The following RBMS3 variants were observed in gnomAD, a reference collection of about 807,000 sequenced individuals.
RBMS3 encodes RNA-binding motif, single-stranded-interacting protein 3.
A neutral mutation model predicts 66.8 loss-of-function variants in RBMS3; 27 were observed. That is an observed-to-expected ratio of 0.40 (90% CI 0.30 to 0.56). The LOEUF is 0.56. Ranked by LOEUF, RBMS3 falls within the 20% of genes least tolerant of loss-of-function variation. The pLI is 0.40. For synonymous variants in RBMS3, 188 were observed against 183.0 expected, an observed-to-expected ratio of 1.03 and a Z score of -0.22; for missense variants, 513 against 549.5, an observed-to-expected ratio of 0.93 and a Z score of 0.66.
chr3:29,443,704 A>G (rs962512337), intron 2 of RBMS3, among the ~76,000 whole-genome samples: 2 of 152,142 alleles, frequency 1.3e-5, no homozygotes, highest in Non-Finnish European at 2.9e-5. Flanking sequence ...CAAGAAGACG[A>G]GCAAGGAGGC....
At chr3:29,526,794 C>T (rs1430920797) in intron 3 of RBMS3, among the ~76,000 whole-genome samples, 3 of 151,920 alleles carry the variant, frequency 2.0e-5, no homozygotes, top group South Asian at 2.1e-4. Context: ...AGATAGATAA[C>T]GTTTCCCAAC....
Position 29,665,535 on chromosome 3 carries a change from C to T in RBMS3, c.400-74185C>T, listed in dbSNP as rs144321329. On this transcript the variant is annotated intron_variant, in intron 4 of 14. Coordinates refer to ENST00000383767, the MANE Select transcript of RBMS3 (RefSeq NM_001003793.3). ...TCAAACTAGTTAATTTGTCAGGAAT[C>T]GTGTCACGAACATAAACATTCTGAT... is the stretch of plus-strand genomic sequence containing the variant. 7.5e-3 allele frequency among the ~76,000 whole-genome samples: 1,144 copies of T among 152,196 alleles called. 35 individuals carry two copies. The highest frequency in any genetic ancestry group is 0.061 in the Admixed American group (925 of 15,288).
chr3:29,858,164 T>C (rs192038281), intron 6 of RBMS3, among the ~76,000 whole-genome samples: 44 of 152,306 alleles, frequency 2.9e-4, no homozygotes, highest in African/African-American at 1.0e-3. Flanking sequence ...AACCTTTCTA[T>C]AGTTTGAATT....
intron 3 of RBMS3, among the ~76,000 whole-genome samples, chr3:29,573,954 T>C (rs2047024500): frequency 6.6e-6 from 1 of 152,190 alleles, no homozygotes; most frequent in Non-Finnish European, 1.5e-5. Flanking sequence ...TTTTAAATGT[T>C]TTAAGGTTTG....
intron 11 of RBMS3, 23 bp downstream of exon 11, chr3:29,936,219 T>C (rs1289039808): frequency 1.9e-6 from 3 of 1,600,580 alleles, no homozygotes; most frequent in African/African-American, 1.3e-5. Flanking sequence ...GATTGTTTTG[T>C]TTCCTTGAAC....
chr3:29,485,514 T>C (rs960089471), intron 2 of RBMS3, among the ~76,000 whole-genome samples: 1 of 152,190 alleles, frequency 6.6e-6, no homozygotes, highest in African/African-American at 2.4e-5. Flanking sequence ...TTGGTGAATA[T>C]GTAGGTATGG....
At chr3:29,557,270 C>T (rs914569700) in intron 3 of RBMS3, among the ~76,000 whole-genome samples, 3 of 152,100 alleles carry the variant, frequency 2.0e-5, no homozygotes, top group Admixed American at 2.0e-4. Context: ...AGAACATTCC[C>T]AACAAACTAA....
At chr3:29,486,586 A>G (rs927170257) in intron 2 of RBMS3, among the ~76,000 whole-genome samples, 2 of 152,192 alleles carry the variant, frequency 1.3e-5, no homozygotes, top group Admixed American at 1.3e-4. Flanking sequence ...TTACTTGTCA[A>G]AATACTCACA....
At chr3:29,742,249 G>A (rs776102443) in intron 5 of RBMS3, among the ~76,000 whole-genome samples, 9 of 152,114 alleles carry the variant, frequency 5.9e-5, no homozygotes, top group Non-Finnish European at 1.0e-4. Flanking sequence ...GGGAGGGTGG[G>A]AATTTTACAT....
intron 7 of RBMS3, among the ~76,000 whole-genome samples, chr3:29,873,204 G>T (rs964907624): frequency 1.3e-5 from 2 of 152,110 alleles, no homozygotes; most frequent in Non-Finnish European, 2.9e-5. Flanking sequence ...ATGATATTGA[G>T]TCTTCCTATC....
At chr3:29,487,715 T>G (rs1455968580) in intron 2 of RBMS3, among the ~76,000 whole-genome samples, 6 of 152,164 alleles carry the variant, frequency 3.9e-5, no homozygotes, top group African/African-American at 4.8e-5. Flanking sequence ...AAGAAGACAA[T>G]ATTATCCTCA....
Position 29,420,624 on chromosome 3 carries a change from GT to G in RBMS3, c.76-14109del, listed in dbSNP as rs34773958. Among the ~76,000 whole-genome samples, 9 of 148,220 alleles carry G rather than the reference GT, an allele frequency of 6.1e-5. No individual in the cohort carries two copies. The South Asian group carries it at 6.4e-4, about 11-fold the overall frequency. ...AGCTATAAATCAGGGCTTTTCCCTT[GT>G]TTTTTTTTTCTCGCAGAGTTTCAGA... is the stretch of plus-strand genomic sequence containing the variant. On this transcript the variant is annotated intron_variant, in intron 1 of 14. Coordinates refer to ENST00000383767, the MANE Select transcript of RBMS3 (RefSeq NM_001003793.3).
At chr3:29,743,976 A>G (rs548550571) in intron 5 of RBMS3, among the ~76,000 whole-genome samples, 2 of 139,834 alleles carry the variant, frequency 1.4e-5, no homozygotes, top group South Asian at 4.7e-4. Context: ...ATTCCCACCA[A>G]TGAGTGAGAA....
intron 1 of RBMS3, among the ~76,000 whole-genome samples, chr3:29,341,002 T>C (rs1448605919): frequency 3.3e-5 from 5 of 152,082 alleles, no homozygotes; most frequent in Non-Finnish European, 7.4e-5. Context: ...ACATGTGAAA[T>C]ATCATTATCA....
chr3:29,787,782 T>C (rs1336914567), intron 6 of RBMS3, among the ~76,000 whole-genome samples: 5 of 152,008 alleles, frequency 3.3e-5, no homozygotes, highest in Non-Finnish European at 7.4e-5. Context: ...GAAATCATCA[T>C]TAAAGAACTT....
At chr3:29,881,427 G>T (rs185723119) in intron 7 of RBMS3, among the ~76,000 whole-genome samples, 182 of 152,262 alleles carry the variant, frequency 1.2e-3, no homozygotes, top group African/African-American at 4.0e-3. Flanking sequence ...ATCTGATGAG[G>T]TAGGTATTAT....
chr3:29,766,912 C>T (rs1576743511), intron 6 of RBMS3: 1 of 152,028 alleles, frequency 6.6e-6, no homozygotes, highest in Middle Eastern at 3.4e-3. Flanking sequence ...AGCGTTTTCT[C>T]CCTTACCTAG....
intron 4 of RBMS3, among the ~76,000 whole-genome samples, chr3:29,633,692 T>G (rs2049366793): frequency 6.6e-6 from 1 of 151,798 alleles, no homozygotes; most frequent in African/African-American, 2.4e-5. Context: ...GAAGACATCT[T>G]TGCCTACTCA....
At chr3:29,482,423 C>A (rs1313642685) in intron 2 of RBMS3, among the ~76,000 whole-genome samples, 2 of 152,076 alleles carry the variant, frequency 1.3e-5, no homozygotes, top group Admixed American at 6.6e-5. Context: ...AGGCACAAAC[C>A]AGTTACTAAT....
Sources: gnomAD v4.1 joint callset for allele counts (sites outside exome capture counted in the v4.1 genomes callset) on GRCh38, gnomAD v4.1.1 for gene constraint, MANE v1.5 for transcripts, NCBI Gene and HGNC (gene_info 2026-07-23, HGNC 2026-07-21) for gene names.